ELMO1: variants seen among roughly 807,000 people sequenced by gnomAD.
ELMO1 encodes the protein engulfment and cell motility 1, also known as engulfment and cell motility protein 1.
Under a neutral mutation model 98.9 loss-of-function variants are expected in ELMO1, and 26 were observed. That is an observed-to-expected ratio of 0.26 (90% CI 0.19 to 0.36). The LOEUF (loss-of-function observed/expected upper bound fraction) is 0.36, where lower values mean the gene tolerates loss of function less well. ELMO1 is among the 10% of genes least tolerant of loss of function. The pLI, the probability that ELMO1 is intolerant of heterozygous loss-of-function variation, is 1.00. For synonymous variants in ELMO1, 346 were observed against 346.0 expected (o/e 1.00, Z 0.00); for missense variants, 627 against 935.2 (o/e 0.67, Z 4.30).
In ELMO1 at chr7:37,285,958, G is replaced by A. The variant is rs544071784; in HGVS notation, c.193-14076C>T. The stretch of plus-strand genomic sequence containing the variant: ...CATGGGGTGCAATGGGCAAGTTAGA[G>A]CCTGTGGTCTCAGAAAGCCACAAAG... On this transcript the variant is annotated intron_variant, in intron 4 of 21. Coordinates refer to ENST00000310758, the MANE Select transcript of ELMO1 (RefSeq NM_014800.11). 3.7e-4 allele frequency among the ~76,000 whole-genome samples: 56 copies of A among 152,082 alleles called. 1 individual carries two copies. Among genetic ancestry groups the A allele is most frequent in the African/African-American group, 1.3e-3 (55 of 41,478 alleles).
intron 4 of ELMO1, among the ~76,000 whole-genome samples, chr7:37,302,969 A>G (rs1798423391): frequency 1.3e-5 from 2 of 152,148 alleles, no homozygotes; most frequent in South Asian, 4.1e-4. Flanking sequence ...GGGTAGAGAT[A>G]AGTTCATCTT....
chr7:37,065,062 C>T (rs954775499), intron 15 of ELMO1, among the ~76,000 whole-genome samples: 3 of 152,210 alleles, frequency 2.0e-5, no homozygotes, highest in East Asian at 3.9e-4. Context: ...AAAACTCACT[C>T]CCAAACACCA....
chr7:36,931,628 C>A (rs970830258), intron 16 of ELMO1, among the ~76,000 whole-genome samples: 1 of 152,192 alleles, frequency 6.6e-6, no homozygotes, highest in Non-Finnish European at 1.5e-5. Context: ...TTCATCATCT[C>A]CCCAATCACC....
chr7:37,422,671 A>C (rs954537791), intron 1 of ELMO1, among the ~76,000 whole-genome samples: 1 of 152,248 alleles, frequency 6.6e-6, no homozygotes, highest in African/African-American at 2.4e-5. Flanking sequence ...TTAGAAAAAA[A>C]AGCGTTTTAA....
At chr7:36,915,720 G>T (rs1784639195) in intron 16 of ELMO1, among the ~76,000 whole-genome samples, 1 of 152,330 alleles carries the variant, frequency 6.6e-6, no homozygotes, top group African/African-American at 2.4e-5. Flanking sequence ...CAGGAGAGAT[G>T]CTAACAGCTG....
intron 16 of ELMO1, among the ~76,000 whole-genome samples, chr7:37,010,158 ACT>A: frequency 6.6e-6 from 1 of 152,304 alleles, no homozygotes; most frequent in East Asian, 1.9e-4. Context: ...CACTAGCAGA[ACT>A]CTGTGACAGG....
chr7:37,267,039 AC>A (rs1796299364), intron 5 of ELMO1, among the ~76,000 whole-genome samples: 1 of 14,194 alleles, frequency 7.0e-5, no homozygotes, highest in African/African-American at 1.1e-3. Context: ...ATGTATATAT[AC>A]ACACACACAC....
At chr7:37,153,778 C>T (rs1047320592) in intron 13 of ELMO1, among the ~76,000 whole-genome samples, 1 of 152,192 alleles carries the variant, frequency 6.6e-6, no homozygotes, top group African/African-American at 2.4e-5. Context: ...AACATCTCTA[C>T]CAGACAGCTC....
intron 4 of ELMO1, among the ~76,000 whole-genome samples, chr7:37,305,301 T>C (rs1798551964): frequency 6.6e-6 from 1 of 152,226 alleles, no homozygotes; most frequent in Non-Finnish European, 1.5e-5. Flanking sequence ...AGAACAAAAG[T>C]GATAATACTT....
At chr7:37,034,944 G>A (rs1038637593) in intron 15 of ELMO1, among the ~76,000 whole-genome samples, 1 of 152,166 alleles carries the variant, frequency 6.6e-6, no homozygotes, top group African/African-American at 2.4e-5. Context: ...TCCTTCAGGG[G>A]TTGGAAGTGA....
chr7:36,991,548 T>C (rs370669516), intron 16 of ELMO1, among the ~76,000 whole-genome samples: 1 of 152,240 alleles, frequency 6.6e-6, no homozygotes, highest in African/African-American at 2.4e-5. Context: ...ATGCAAAACC[T>C]GAACTGAACA....
chr7:37,153,197 G>A (rs948282814), intron 13 of ELMO1, among the ~76,000 whole-genome samples: 1 of 152,184 alleles, frequency 6.6e-6, no homozygotes, highest in Non-Finnish European at 1.5e-5. Flanking sequence ...AACAGCTCCG[G>A]TCTACAGCTC....
intron 10 of ELMO1, among the ~76,000 whole-genome samples, chr7:37,217,277 G>A (rs1793341592): frequency 6.6e-6 from 1 of 152,192 alleles, no homozygotes; most frequent in African/African-American, 2.4e-5. Flanking sequence ...GTTGTTTTGT[G>A]CCTTGGCATC....
At chr7:36,986,332 A>C in intron 16 of ELMO1, 2 of 892,596 alleles carry the variant, frequency 2.2e-6, no homozygotes, top group South Asian at 1.0e-4. Flanking sequence ...CAAGAGAAAA[A>C]TAATAACTTC....
chr7:37,377,777 G>A (rs1337974917), intron 1 of ELMO1, among the ~76,000 whole-genome samples: 2 of 152,080 alleles, frequency 1.3e-5, no homozygotes, highest in Non-Finnish European at 2.9e-5. Context: ...TTTGCTATGT[G>A]GGAGAAGCCA....
intron 10 of ELMO1, among the ~76,000 whole-genome samples, chr7:37,217,541 C>T (rs1045015022): frequency 2.0e-5 from 3 of 151,708 alleles, no homozygotes; most frequent in African/African-American, 7.3e-5. Flanking sequence ...GGTTTAAAAA[C>T]TCAACCATGA....
chr7:37,020,373 T>C (rs765196896), intron 15 of ELMO1, among the ~76,000 whole-genome samples: 2 of 152,202 alleles, frequency 1.3e-5, no homozygotes, highest in African/African-American at 2.4e-5. Context: ...ACATTTAATT[T>C]AGAGTGTGAA....
At chr7:37,132,522 G>A (rs1235159917) in intron 14 of ELMO1, among the ~76,000 whole-genome samples, 1 of 152,086 alleles carries the variant, frequency 6.6e-6, no homozygotes, top group East Asian at 1.9e-4. Flanking sequence ...CACCACTGTC[G>A]CCTTAGGCTT....
intron 5 of ELMO1, among the ~76,000 whole-genome samples, chr7:37,264,054 T>C (rs1312389979): frequency 6.6e-6 from 1 of 152,194 alleles, no homozygotes; most frequent in Admixed American, 6.5e-5. Context: ...GAACTACATA[T>C]GGAACTTTTA....
Sources: allele counts gnomAD v4.1 joint callset (sites outside exome capture counted in the v4.1 genomes callset), GRCh38; gene constraint gnomAD v4.1.1; transcripts MANE v1.5; gene names NCBI Gene and HGNC (gene_info 2026-07-23, HGNC 2026-07-21).